DGKZ: variants seen among roughly 807,000 people sequenced by gnomAD.
DGKZ encodes DAG kinase zeta.
DGKZ carries 45 observed loss-of-function variants against 142.5 expected under a neutral mutation model. The observed-to-expected ratio is 0.32, with a 90% CI of 0.25 to 0.40. The LOEUF (loss-of-function observed/expected upper bound fraction) is 0.40, where lower values mean the gene tolerates loss of function less well. Ranked by LOEUF, DGKZ falls within the 10% of genes least tolerant of loss-of-function variation. The pLI is 1.00. For synonymous variants in DGKZ, 442 were observed against 527.0 expected, an observed-to-expected ratio of 0.84 and a Z score of 2.21; for missense variants, 755 against 1,306.5, an observed-to-expected ratio of 0.58 and a Z score of 6.51.
At chr11:46,360,713 G>T (rs544314916) in intron 1 of DGKZ, among the ~76,000 whole-genome samples, 1 of 152,252 alleles carries the variant, frequency 6.6e-6, no homozygotes, top group Non-Finnish European at 1.5e-5. Context: ...CTGAACCCGG[G>T]AGGCGGAGGT....
rs371889091 is a variant in DGKZ at position 46,376,357 on chromosome 11, G to A, written c.2121G>A (p.Pro707=). The change falls in exon 23 of 31, where the codon CCG becomes CCA. Residue 707 remains proline (P), a synonymous_variant. Transcript: ENST00000527911. Reference sequence around the variant, plus strand: ...CCGATGGTGCTGGAGCCAAGTCCCCGACATGCCAGAAACTGTCCCCCAAGT... The same window carrying A: ...CCGATGGTGCTGGAGCCAAGTCCCCAACATGCCAGAAACTGTCCCCCAAGT... The A allele has an allele frequency of 1.6e-5, 26 of 1,613,942 alleles. No individual in the cohort carries two copies. Among genetic ancestry groups the A allele is most frequent in the East Asian group, 4.5e-5 (2 of 44,898 alleles).
chr11:46,363,434 C>T (rs965646966), intron 1 of DGKZ, among the ~76,000 whole-genome samples: 3 of 152,318 alleles, frequency 2.0e-5, no homozygotes, highest in African/African-American at 4.8e-5. Flanking sequence ...ACAGCACTGC[C>T]GGCCTTGCCC....
At position 46,374,531 on chromosome 11, in the gene DGKZ, C is replaced by T. The variant is rs1944328162; in HGVS notation, c.1462-73C>T. ...CCGTGCCCACCTGTGTCCACCAGGCCCCAGGAGCCCTGCCGGGTGCTGGTG... is the reference window on the plus strand; with the variant it reads ...CCGTGCCCACCTGTGTCCACCAGGCTCCAGGAGCCCTGCCGGGTGCTGGTG... On this transcript the variant is annotated intron_variant, in intron 16 of 30. Coordinates refer to ENST00000527911, the Ensembl canonical transcript of DGKZ. 5.0e-6 allele frequency: 8 copies of T among 1,611,796 alleles called. No individual in the cohort carries two copies. The South Asian group carries it at 6.6e-5, about 13-fold the overall frequency.
upstream of DGKZ, among the ~76,000 whole-genome samples, chr11:46,346,148 G>T (rs749541954): frequency 2.5e-4 from 38 of 152,218 alleles, no homozygotes; most frequent in Non-Finnish European, 5.6e-4. Context: ...CGGGGTGCTG[G>T]TTCTTCCTCA....
chr11:46,366,774 A>T lies in DGKZ; in HGVS notation c.162-517A>T, dbSNP rs779512172. 54 of 1,548,770 alleles carry T rather than the reference A, an allele frequency of 3.5e-5. No homozygotes were observed. Among genetic ancestry groups the T allele is most frequent in the Non-Finnish European group, 3.5e-6 (4 of 1,149,034 alleles). On this transcript the variant is annotated intron_variant, in intron 1 of 30. Coordinates refer to ENST00000527911, the Ensembl canonical transcript of DGKZ. ...CACCTGCTCCCCGCGGATGCCGTAT[A>T]TGACCACGCTCTCTGGGGCCTGCAC...
At chr11:46,333,280 C>T in exon 1 of DGKZ, 1 of 1,255,830 alleles carries the variant, frequency 8.0e-7, no homozygotes, top group Non-Finnish European at 1.0e-6. Flanking sequence ...CGCACGATGG[C>T]CGAGGGGCAG....
chr11:46,368,386 A>G (rs1943566020), intron 4 of DGKZ: 3 of 410,366 alleles, frequency 7.3e-6, no homozygotes, highest in Admixed American at 3.4e-5. Flanking sequence ...AGTGCTTAGA[A>G]GAGGCCATTG....
At chr11:46,351,790 C>T (rs1941421668) in intron 1 of DGKZ, among the ~76,000 whole-genome samples, 1 of 152,184 alleles carries the variant, frequency 6.6e-6, no homozygotes, top group Admixed American at 6.5e-5. Flanking sequence ...AGGTCAGGTG[C>T]CAGAGTATAC....
chr11:46,372,533 TG>T lies in DGKZ; in HGVS notation c.1010+28del. The T allele has an allele frequency of 3.7e-6, 6 of 1,613,900 alleles. No homozygotes were observed. The highest frequency in any genetic ancestry group is 1.3e-5 in the African/African-American group (1 of 75,002). On this transcript the variant is annotated intron_variant, in intron 11 of 30. Transcript: ENST00000527911. This position sits in a 1 kb window ranked among gnomAD's most constrained non-coding sequence, Gnocchi z 5.9. ...GGCGTAAGTACTTGCCAAGGTTTTG[TG>T]GGGGACATGGGGGGGAACTTGCCTC...
exon 14 of DGKZ, chr11:46,373,024 C>T (rs1944130314): frequency 6.5e-7 from 1 of 1,541,984 alleles, no homozygotes; most frequent in Non-Finnish European, 8.8e-7. Context: ...CGTGGTACAG[C>T]TGGACCGCTG....
intron 16 of DGKZ, 29 bp from the exon 17 acceptor site, chr11:46,374,575 C>G (rs771526811): frequency 3.2e-5 from 51 of 1,594,890 alleles, no homozygotes; most frequent in Non-Finnish European, 4.4e-5. Context: ...TCTCTGTCAG[C>G]AGATGGTGAC....
chr11:46,344,272 T>A (rs1940425158), upstream of DGKZ, among the ~76,000 whole-genome samples: 1 of 152,064 alleles, frequency 6.6e-6, no homozygotes. Context: ...GTTTCCTGAA[T>A]GTCTTCCCCA....
At chr11:46,352,573 G>T (rs1012131597) in intron 1 of DGKZ, among the ~76,000 whole-genome samples, 1 of 152,064 alleles carries the variant, frequency 6.6e-6, no homozygotes, top group East Asian at 1.9e-4. Context: ...TGGGACTCCC[G>T]CGCTGGGCTT....
intron 1 of DGKZ, among the ~76,000 whole-genome samples, chr11:46,340,751 G>A (rs892207197): frequency 2.6e-5 from 4 of 152,222 alleles, no homozygotes; most frequent in Admixed American, 6.5e-5. Flanking sequence ...TTCAGCAGGG[G>A]CCAGTGATCA....
At chr11:46,370,766 T>C (rs1943855321) in intron 6 of DGKZ, among the ~76,000 whole-genome samples, 1 of 152,184 alleles carries the variant, frequency 6.6e-6, no homozygotes, top group Non-Finnish European at 1.5e-5. Flanking sequence ...AGGCTTATCT[T>C]ATACATATTT....
intron 1 of DGKZ, among the ~76,000 whole-genome samples, chr11:46,359,884 C>G (rs1260390160): frequency 6.6e-6 from 1 of 151,672 alleles, no homozygotes; most frequent in Admixed American, 6.6e-5. Context: ...TCCCAAAATG[C>G]TGGGATTACA....
At chr11:46,338,399 G>C in intron 1 of DGKZ, among the ~76,000 whole-genome samples, 1 of 149,896 alleles carries the variant, frequency 6.7e-6, no homozygotes, top group East Asian at 1.9e-4. Context: ...GGGAGGCTGA[G>C]GCAGGAGAAT....
At chr11:46,344,772 A>G (rs1940467281), upstream of DGKZ, among the ~76,000 whole-genome samples, 1 of 152,144 alleles carries the variant, frequency 6.6e-6, no homozygotes, top group African/African-American at 2.4e-5. Context: ...CACTTTACAG[A>G]TGAGAAAACT....
rs1943412120 is a variant in DGKZ, at chr11:46,367,231, TGGGA to T, written c.162-57_162-54del. The T allele has an allele frequency of 2.7e-6, 4 of 1,466,210 alleles. No individual in the cohort carries two copies. The highest frequency in any genetic ancestry group is 2.4e-5 in the South Asian group (2 of 83,308). The allele number at this position is 1,466,210 out of a possible 1,614,324, so 90.8% of individuals were successfully genotyped here. A position where few individuals can be genotyped will look rare whatever the true frequency, so the allele number is the denominator to read the frequency against. ...CGGAAAGGGCAGAGGCCCCAGGAGGTGGGAGGAAGTAGGGTCAGCAAGTGCTCAG... is the reference window on the plus strand; with the variant it reads ...CGGAAAGGGCAGAGGCCCCAGGAGGTGGAAGTAGGGTCAGCAAGTGCTCAG... On this transcript the variant is annotated intron_variant, in intron 1 of 30. Transcript: ENST00000527911. This position sits in a 1 kb window ranked among gnomAD's most constrained non-coding sequence, Gnocchi z 4.1.
Sources: allele counts gnomAD v4.1 joint callset (sites outside exome capture counted in the v4.1 genomes callset), GRCh38; gene constraint gnomAD v4.1.1; non-coding constraint Gnocchi (gnomAD v3.1); transcripts MANE v1.5; gene names NCBI Gene and HGNC (gene_info 2026-07-23, HGNC 2026-07-21).